Variants in ARHGEF7 observed in about 807,000 individuals in gnomAD.
ARHGEF7 encodes the protein Rho guanine nucleotide exchange factor 7.
A neutral mutation model predicts 109.8 loss-of-function variants in ARHGEF7; 33 were observed. The ratio of observed to expected loss-of-function variants is 0.30; its 90% CI spans 0.23 to 0.40. The LOEUF is 0.40. Ranked by LOEUF, ARHGEF7 falls within the 10% of genes least tolerant of loss-of-function variation. The pLI, the probability that ARHGEF7 is intolerant of heterozygous loss-of-function variation, is 1.00. For synonymous variants in ARHGEF7, 458 were observed against 424.6 expected, an observed-to-expected ratio of 1.08 and a Z score of -0.97; for missense variants, 938 against 1,098.5, an observed-to-expected ratio of 0.85 and a Z score of 2.07.
At chr13:111,302,579 C>G in intron 21 of ARHGEF7, among the ~76,000 whole-genome samples, 2 of 152,356 alleles carry the variant, frequency 1.3e-5, no homozygotes, top group African/African-American at 4.8e-5. Flanking sequence ...TTCAGCTGCA[C>G]AGAGCAGGTG....
intron 2 of ARHGEF7, among the ~76,000 whole-genome samples, chr13:111,188,632 T>C (rs1033674030): frequency 6.6e-6 from 1 of 152,230 alleles, no homozygotes; most frequent in Non-Finnish European, 1.5e-5. Context: ...TTAGCAGTTA[T>C]GTGATTACTG....
Position 111,277,677 on chromosome 13 carries a change from A to G in ARHGEF7, c.1506+4A>G. ...GATGAGTGGCTTTATCTATCAGGTA[A>G]AACACAATTTAAATTTATATTTTAT... On this transcript the variant is annotated splice_donor_region_variant and intron_variant, in intron 13 of 21. Transcript: ENST00000646102. 6.4e-7 allele frequency: 1 copy of G among 1,563,960 alleles called. No individual in the cohort carries two copies. Among genetic ancestry groups the G allele is most frequent in the Middle Eastern group, 1.7e-4 (1 of 5,920 alleles).
Position 111,275,595 on chromosome 13 carries a change from C to A in ARHGEF7, c.1336C>A (p.Arg446=). 2 of 1,614,110 alleles carry A rather than the reference C, an allele frequency of 1.2e-6. No individual in the cohort carries two copies. Among genetic ancestry groups the A allele is most frequent in the Middle Eastern group, 1.7e-4 (1 of 6,056 alleles). ...LELQILTEAI[R]NWEGDDIKTL... ...GCTGCAGATCCTGACGGAAGCCATC[C>A]GGAACTGGGAGGGCGATGACATTAA... Residue 446 remains arginine, a synonymous_variant, in exon 12 of 22, where the codon CGG becomes AGG. Transcript: ENST00000646102.
At chr13:111,118,099 C>T (rs959454355) in intron 1 of ARHGEF7, among the ~76,000 whole-genome samples, 3 of 152,266 alleles carry the variant, frequency 2.0e-5, no homozygotes, top group African/African-American at 4.8e-5. Flanking sequence ...CTGCAGCCTT[C>T]GCCTCTGCAG....
intron 1 of ARHGEF7, among the ~76,000 whole-genome samples, chr13:111,141,223 A>C (rs1003586230): frequency 1.2e-4 from 18 of 152,120 alleles, no homozygotes; most frequent in African/African-American, 4.1e-4. Context: ...GGTTTTGACA[A>C]GTGTATAATG....
chr13:111,275,849 G>C, intron 12 of ARHGEF7, 171 bp downstream of exon 12: 2 of 780,950 alleles, frequency 2.6e-6, no homozygotes, highest in Non-Finnish European at 2.0e-6. Flanking sequence ...TGGCATGTTA[G>C]AGAGGCTTAG....
chr13:111,301,682 C>T (rs549523466), intron 21 of ARHGEF7, 150 bp downstream of exon 21: 9 of 582,436 alleles, frequency 1.5e-5, no homozygotes, highest in African/African-American at 1.3e-4. Flanking sequence ...CACCTGAGGT[C>T]AGGAGTTCAA....
In ARHGEF7 at chr13:111,292,196, G is replaced by T. The variant is rs750569242; in HGVS notation, c.2213G>T (p.Arg738Leu). 3 of 1,614,038 alleles carry T rather than the reference G, an allele frequency of 1.9e-6. No individual in the cohort carries two copies. The highest frequency in any genetic ancestry group is 2.2e-5 in the South Asian group (2 of 91,062). Reference sequence around the variant, plus strand: ...CCAAGCCTAGACTCCCTGGGGCGTCGCAGTAGCCTTTCTCGTTTGGAGCCT... The same window carrying T: ...CCAAGCCTAGACTCCCTGGGGCGTCTCAGTAGCCTTTCTCGTTTGGAGCCT... ...DQPSLDSLGR[R>L]SSLSRLEPSD... The change falls in exon 19 of 22, where the codon CGC (arginine) becomes CTC (leucine). Residue 738 changes from arginine to leucine, a missense_variant. Coordinates refer to ENST00000646102, the MANE Select transcript of ARHGEF7 (RefSeq NM_001354046.2).
chr13:111,215,252 T>G (rs1389619768), intron 4 of ARHGEF7, among the ~76,000 whole-genome samples: 2 of 151,818 alleles, frequency 1.3e-5, no homozygotes, highest in Non-Finnish European at 2.9e-5. Flanking sequence ...CGGATAGTTG[T>G]TAAGTTTGGT....
At chr13:111,120,718 C>A (rs2067142613) in intron 1 of ARHGEF7, among the ~76,000 whole-genome samples, 1 of 152,208 alleles carries the variant, frequency 6.6e-6, no homozygotes. Context: ...TTAGGCACTG[C>A]CTGCCTTTCT....
chr13:111,149,896 TTAAC>T (rs1348528891), intron 1 of ARHGEF7, among the ~76,000 whole-genome samples: 1 of 152,230 alleles, frequency 6.6e-6, no homozygotes, highest in Admixed American at 6.5e-5. Flanking sequence ...TTTATACACA[TTAAC>T]TAAAGTCTTA....
intron 19 of ARHGEF7, chr13:111,293,171 G>A: frequency 2.0e-6 from 2 of 985,432 alleles, no homozygotes; most frequent in Non-Finnish European, 2.4e-6. Context: ...TTCAGCCTCT[G>A]CAAGTGTAGA....
chr13:111,141,218 TGAC>T (rs924603559), intron 1 of ARHGEF7, among the ~76,000 whole-genome samples: 1 of 152,162 alleles, frequency 6.6e-6, no homozygotes. Flanking sequence ...CTGTGGGTTT[TGAC>T]AAGTGTATAA....
In ARHGEF7 at chr13:111,267,547, G is replaced by A; in HGVS notation, c.951-1G>A. On this transcript the variant is annotated splice_acceptor_variant, in intron 8 of 21. Transcript: ENST00000646102. LOFTEE classifies it high-confidence loss of function. ...TTTCCCTTTGTGTCGCATTTCTCCA[G>A]GTTGCCCGAAGCTCAGCAGAGAGTC... The A allele has an allele frequency of 6.2e-7, 1 of 1,613,866 alleles. No individual in the cohort carries two copies. The highest frequency in any genetic ancestry group is 8.5e-7 in the Non-Finnish European group (1 of 1,179,840).
In ARHGEF7 at chr13:111,280,629, G is replaced by A. The variant is rs772936008; in HGVS notation, c.1677G>A (p.Thr559=). ...VEHLQKQTKV[T]SVGNPTIKPH... is the part of the protein sequence containing the mutation. ...ACCTACAGAAGCAAACGAAGGTCAC[G>A]TCTGTGGGAAACCCCACCATAAAGC... The change falls in exon 15 of 22, where the codon ACG becomes ACA. Residue 559 remains threonine, a synonymous_variant. Coordinates refer to ENST00000646102, the MANE Select transcript of ARHGEF7 (RefSeq NM_001354046.2). The A allele has an allele frequency of 7.4e-6, 12 of 1,611,642 alleles. No individual in the cohort carries two copies. Among genetic ancestry groups the A allele is most frequent in the East Asian group, 2.2e-5 (1 of 44,812 alleles).
intron 6 of ARHGEF7, 82 bp from the exon 7 acceptor site, chr13:111,243,790 G>A (rs1478783042): frequency 1.2e-5 from 10 of 845,046 alleles, no homozygotes; most frequent in Admixed American, 2.5e-5. Flanking sequence ...GAACAATGGC[G>A]ATGAACTGTC....
intron 6 of ARHGEF7, among the ~76,000 whole-genome samples, chr13:111,234,936 A>G (rs2086595771): frequency 1.3e-5 from 2 of 152,254 alleles, no homozygotes; most frequent in South Asian, 4.1e-4. Context: ...TGGCTCTACT[A>G]ACCCATTCGC....
chr13:111,186,613 T>C (rs2079282891), intron 2 of ARHGEF7, among the ~76,000 whole-genome samples: 1 of 152,264 alleles, frequency 6.6e-6, no homozygotes, highest in African/African-American at 2.4e-5. Context: ...ATTCATTTTT[T>C]ACTCTTGTTC....
At chr13:111,167,376 C>T (rs867905622) in intron 2 of ARHGEF7, among the ~76,000 whole-genome samples, 1 of 152,178 alleles carries the variant, frequency 6.6e-6, no homozygotes, top group African/African-American at 2.4e-5. Flanking sequence ...ACACAGTCCT[C>T]CCGCACTCTC....
Sources: allele counts gnomAD v4.1 joint callset (sites outside exome capture counted in the v4.1 genomes callset), GRCh38; gene constraint gnomAD v4.1.1; transcripts MANE v1.5; gene names NCBI Gene and HGNC (gene_info 2026-07-23, HGNC 2026-07-21).